IFT140: variants seen among roughly 807,000 people sequenced by gnomAD.
The protein encoded by IFT140 is intraflagellar transport protein 140 homolog.
IFT140 carries 133 observed loss-of-function variants against 164.6 expected under a neutral mutation model. That is an observed-to-expected ratio of 0.81 (90% CI 0.70 to 0.93). The LOEUF (loss-of-function observed/expected upper bound fraction) is 0.93, where lower values mean the gene tolerates loss of function less well. IFT140 is among the 40% of genes least tolerant of loss of function. The pLI, the probability that IFT140 is intolerant of heterozygous loss-of-function variation, is 0.00. For missense variants in IFT140, 2,045 were observed against 1,972.3 expected, an observed-to-expected ratio of 1.04 and a Z score of -0.70; for synonymous variants, 860 against 817.3, an observed-to-expected ratio of 1.05 and a Z score of -0.89.
chr16:1,539,491 G>C (rs1741766261), intron 19 of IFT140, among the ~76,000 whole-genome samples: 2 of 152,270 alleles, frequency 1.3e-5, no homozygotes, highest in South Asian at 4.1e-4. Context: ...CCCATGCTGA[G>C]CCAGGTCCTC....
Position 1,566,172 on chromosome 16 carries a change from T to C in IFT140, c.1890A>G (p.Gln630=), listed in dbSNP as rs2141569269. The C allele has an allele frequency of 1.9e-6, 3 of 1,613,570 alleles. No individual in the cohort carries two copies. The highest frequency in any genetic ancestry group is 2.5e-6 in the Non-Finnish European group (3 of 1,179,570). Residue 630 remains glutamine, a synonymous_variant, in exon 16 of 31, where the codon CAA becomes CAG. Coordinates refer to ENST00000426508, the MANE Select transcript of IFT140 (RefSeq NM_014714.4). ...AACCACAATCTTACTTATTAGTCTC[T>C]TGCTCATTAAAGGACAGCGTCTCTC... is the stretch of plus-strand genomic sequence containing the variant. ...DRRETLSFNE[Q]ETNKSHLFVD...
At position 1,541,147 on chromosome 16, in the gene IFT140, G is replaced by T. The variant is rs999797688; in HGVS notation, c.2400-14351C>A. ...CGCATCCATGTGCCCTGCCCACCTG[G>T]CTCCTGCAACCAGGTGTAGGTGGGG... On this transcript the variant is annotated intron_variant, in intron 19 of 30. Transcript: ENST00000426508. 13 of 985,282 alleles carry T rather than the reference G, an allele frequency of 1.3e-5. No homozygotes were observed. The Admixed American group carries it at 7.4e-4, about 56-fold the overall frequency. 61.0% of individuals were successfully genotyped at this position (985,282 alleles called of 1,614,324 possible).
chr16:1,573,400 C>T (rs1172029182), intron 13 of IFT140, among the ~76,000 whole-genome samples: 1 of 151,994 alleles, frequency 6.6e-6, no homozygotes, highest in East Asian at 1.9e-4. Flanking sequence ...TCTTTAACAT[C>T]TCTATGTCAA....
intron 2 of IFT140, among the ~76,000 whole-genome samples, chr16:1,607,974 A>G (rs1300425425): frequency 1.3e-5 from 2 of 152,236 alleles, no homozygotes; most frequent in African/African-American, 4.8e-5. Context: ...AATAAATGCA[A>G]ACTGCTCCAG....
chr16:1,519,742 G>T, intron 29 of IFT140, 139 bp downstream of exon 29: 1 of 733,496 alleles, frequency 1.4e-6, no homozygotes, highest in Non-Finnish European at 2.0e-6. Flanking sequence ...GAGGTGGGGT[G>T]TGTCTTCAGC....
intron 6 of IFT140, among the ~76,000 whole-genome samples, chr16:1,591,957 A>G (rs2035202812): frequency 6.6e-6 from 1 of 152,140 alleles, no homozygotes; most frequent in Non-Finnish European, 1.5e-5. Context: ...GCAAAACTCA[A>G]CTTGTCTATC....
intron 19 of IFT140, among the ~76,000 whole-genome samples, chr16:1,535,911 G>C (rs1240327997): frequency 6.6e-6 from 1 of 152,242 alleles, no homozygotes; most frequent in Non-Finnish European, 1.5e-5. Flanking sequence ...CCGAGGCTTG[G>C]GTCTCCGCGT....
At chr16:1,563,100 G>A (rs1171754079) in intron 17 of IFT140, among the ~76,000 whole-genome samples, 1 of 151,870 alleles carries the variant, frequency 6.6e-6, no homozygotes. Context: ...ATCTTCCCCG[G>A]GTGTCAGCCC....
intron 26 of IFT140, among the ~76,000 whole-genome samples, chr16:1,521,644 G>A (rs1022815152): frequency 4.8e-5 from 7 of 144,658 alleles, no homozygotes; most frequent in Admixed American, 1.4e-4. Flanking sequence ...CACCCACCTC[G>A]GCCTCCCAAA....
intron 19 of IFT140, chr16:1,534,135 C>T (rs1052802636): frequency 4.2e-5 from 45 of 1,075,856 alleles, no homozygotes; most frequent in Non-Finnish European, 5.6e-5. Flanking sequence ...CTGGACCATC[C>T]CATGGGCCTC....
chr16:1,611,830 AAAG>A (rs1361352120), intron 1 of IFT140, 135 bp downstream of exon 1: 1 of 151,586 alleles, frequency 6.6e-6, no homozygotes, highest in Non-Finnish European at 1.5e-5. Context: ...AAAAAAAAAG[AAAG>A]AAAGAAACAC....
In IFT140 at chr16:1,586,235, C is replaced by A; in HGVS notation, c.1050G>T (p.Met350Ile). Residue 350 changes from methionine to isoleucine, a missense_variant, in exon 10 of 31, where the codon ATG becomes ATT. Coordinates refer to ENST00000426508, the MANE Select transcript of IFT140 (RefSeq NM_014714.4). Reference sequence around the variant, plus strand: ...CCAGGAAGTCTGGTACTTTCCTCCACATGGCTACTCGCCCTCTGTCGGTAC... The same window carrying A: ...CCAGGAAGTCTGGTACTTTCCTCCAAATGGCTACTCGCCCTCTGTCGGTAC... ...AAGTDRGRVA[M>I]WRKVPDFLGS... 1 of 1,614,056 alleles carries A rather than the reference C, an allele frequency of 6.2e-7. No individual in the cohort carries two copies. Among genetic ancestry groups the A allele is most frequent in the Non-Finnish European group, 8.5e-7 (1 of 1,180,004 alleles).
At chr16:1,598,812 T>C (rs2035597954) in intron 4 of IFT140, among the ~76,000 whole-genome samples, 1 of 152,118 alleles carries the variant, frequency 6.6e-6, no homozygotes, top group East Asian at 1.9e-4. Context: ...AGTGCCGAGA[T>C]TGCAGCCTCT....
intron 3 of IFT140, among the ~76,000 whole-genome samples, chr16:1,605,077 G>A (rs1027223681): frequency 2.6e-5 from 4 of 152,170 alleles, no homozygotes; most frequent in African/African-American, 9.7e-5. Flanking sequence ...ATGTCTGCAA[G>A]CCACTGGGGA....
intron 12 of IFT140, among the ~76,000 whole-genome samples, chr16:1,582,587 T>C (rs2034630384): frequency 6.6e-6 from 1 of 152,254 alleles, no homozygotes; most frequent in African/African-American, 2.4e-5. Context: ...CTCCCATAGA[T>C]GTGCTGAAGA....
At chr16:1,594,965 A>G (rs1231912957) in intron 4 of IFT140, among the ~76,000 whole-genome samples, 1 of 152,252 alleles carries the variant, frequency 6.6e-6, no homozygotes, top group Non-Finnish European at 1.5e-5. Flanking sequence ...ACACAGGAAG[A>G]GTATTTTCAA....
chr16:1,513,829 A>G (rs1301968224), intron 30 of IFT140, among the ~76,000 whole-genome samples: 3 of 147,950 alleles, frequency 2.0e-5, no homozygotes, highest in African/African-American at 5.1e-5. Flanking sequence ...GCCCACCACC[A>G]CACCCGGCTA....
At chr16:1,579,469 G>T (rs2034442938) in intron 13 of IFT140, 1 of 152,248 alleles carries the variant, frequency 6.6e-6, no homozygotes, top group South Asian at 2.1e-4. Context: ...AGAGCCTCCA[G>T]AAGGCACCAG....
chr16:1,607,560 GAAAGA>G (rs2036141351), intron 2 of IFT140, among the ~76,000 whole-genome samples: 1 of 152,300 alleles, frequency 6.6e-6, no homozygotes, highest in Admixed American at 6.5e-5. Context: ...AAGGAGGAAA[GAAAGA>G]AAAGGCCTGC....
Sources: gnomAD v4.1 joint callset for allele counts (sites outside exome capture counted in the v4.1 genomes callset) on GRCh38, gnomAD v4.1.1 for gene constraint, MANE v1.5 for transcripts, NCBI Gene and HGNC (gene_info 2026-07-23, HGNC 2026-07-21) for gene names.